Variants in FAAH2 observed in about 807,000 individuals in gnomAD.
FAAH2 encodes the protein fatty-acid amide hydrolase 2.
A neutral mutation model predicts 36.9 loss-of-function variants in FAAH2; 60 were observed. The observed-to-expected ratio is 1.63, with a 90% CI of 1.32 to 2.02. The LOEUF (loss-of-function observed/expected upper bound fraction) is 2.02. Among genes scored for constraint, FAAH2 ranks in the 30% most tolerant of loss-of-function variants. The pLI, the probability that FAAH2 is intolerant of heterozygous loss-of-function variation, is 0.00. For missense variants in FAAH2, 689 were observed against 397.5 expected, an observed-to-expected ratio of 1.73 and a Z score of -6.23; for synonymous variants, 214 against 143.8, an observed-to-expected ratio of 1.49 and a Z score of -3.49.
chrX:57,258,997 G>A, the FAAH2 span, among the ~76,000 whole-genome samples: 2 of 110,649 alleles, frequency 1.8e-5, no homozygotes, highest in Non-Finnish European at 1.9e-5. Flanking sequence ...GGGATTACAG[G>A]CATGAGCCAT....
the FAAH2 span, among the ~76,000 whole-genome samples, chrX:57,198,132 C>T: frequency 9.0e-6 from 1 of 110,733 alleles, no homozygotes; most frequent in Non-Finnish European, 1.9e-5. Context: ...CCATAGAGCT[C>T]CCAAGAGGTT....
At chrX:57,319,753 T>C (rs1269034542) in intron 3 of FAAH2, among the ~76,000 whole-genome samples, 2 of 111,987 alleles carry the variant, frequency 1.8e-5, no homozygotes, top group Non-Finnish European at 3.8e-5. Context: ...AGGCATCATG[T>C]TACCTTACTG....
the FAAH2 span, among the ~76,000 whole-genome samples, chrX:57,181,016 T>G: frequency 2.7e-5 from 3 of 111,701 alleles, no homozygotes; most frequent in Non-Finnish European, 5.7e-5. Context: ...TAAACAGAAC[T>G]AAAGACAAAA....
rs2055259088 is a variant in FAAH2, at chrX:57,394,992, A to C, written c.996+13963A>C. 6 of 569,950 alleles carry C rather than the reference A, an allele frequency of 1.1e-5. No homozygotes were observed. The Admixed American group carries it at 1.3e-4, about 13-fold the overall frequency. The allele number at this position is 569,950 out of a possible 1,213,427, so 47.0% of individuals were successfully genotyped here. A position where few individuals can be genotyped will look rare whatever the true frequency, so the allele number is the denominator to read the frequency against. On this transcript the variant is annotated intron_variant, in intron 7 of 10. Coordinates refer to ENST00000374900, the MANE Select transcript of FAAH2 (RefSeq NM_174912.4). Reference sequence around the variant, plus strand: ...CCTTTAGGCATACAAGGAATGAAACAGTCATTTAGGTCACCTCTAGCAAGT... The same window carrying C: ...CCTTTAGGCATACAAGGAATGAAACCGTCATTTAGGTCACCTCTAGCAAGT...
At chrX:57,446,489 A>C (rs1263265257) in intron 8 of FAAH2, among the ~76,000 whole-genome samples, 1 of 111,860 alleles carries the variant, frequency 8.9e-6, no homozygotes, top group Non-Finnish European at 1.9e-5. Context: ...ATTTTAGTAC[A>C]TTTAGAGTTG....
At chrX:57,353,487 T>A (rs866229901) in intron 5 of FAAH2, among the ~76,000 whole-genome samples, 9 of 83,799 alleles carry the variant, frequency 1.1e-4, no homozygotes, top group Middle Eastern at 6.1e-3. Context: ...CCCAAATTAT[T>A]AAAAAAAAAA....
At chrX:57,265,677 G>A in the FAAH2 span, among the ~76,000 whole-genome samples, 4 of 112,089 alleles carry the variant, frequency 3.6e-5, no homozygotes, top group Non-Finnish European at 7.5e-5. Flanking sequence ...TCTCTGGCCA[G>A]TAGAGATTTT....
intron 5 of FAAH2, among the ~76,000 whole-genome samples, chrX:57,350,625 T>TA (rs1203250989): frequency 9.0e-6 from 1 of 110,953 alleles, no homozygotes; most frequent in Non-Finnish European, 1.9e-5. Context: ...TACTTTATTT[T>TA]AAAAGAACTA....
chrX:57,325,429 T>G (rs779568662), intron 3 of FAAH2, among the ~76,000 whole-genome samples: 3 of 111,758 alleles, frequency 2.7e-5, no homozygotes, highest in African/African-American at 9.8e-5. Flanking sequence ...AGCTCCTTCT[T>G]GTACCTCTGG....
At chrX:57,393,044 A>T in intron 7 of FAAH2, 1 of 892,459 alleles carries the variant, frequency 1.1e-6, no homozygotes, top group African/African-American at 1.9e-5. Flanking sequence ...CTCTCTGGAC[A>T]GCCTGAGCCA....
chrX:57,336,475 G>A (rs776314521), intron 4 of FAAH2, among the ~76,000 whole-genome samples: 1 of 111,068 alleles, frequency 9.0e-6, no homozygotes, highest in South Asian at 3.8e-4. Flanking sequence ...ACAAAATGGA[G>A]TCTCTTATGT....
chrX:57,349,730 A>T (rs1185181277), intron 5 of FAAH2, among the ~76,000 whole-genome samples: 3 of 109,033 alleles, frequency 2.8e-5, no homozygotes, highest in Non-Finnish European at 5.7e-5. Context: ...ACAAAGAATT[A>T]AAAAAAACCA....
At chrX:57,201,053 G>GT in the FAAH2 span, among the ~76,000 whole-genome samples, 36,314 of 96,359 alleles carry the variant, frequency 0.38, 6,948 homozygotes, top group African/African-American at 0.66. Flanking sequence ...TAGGGTAAAA[G>GT]TTTTTTTTTT....
intron 10 of FAAH2, among the ~76,000 whole-genome samples, chrX:57,474,167 AT>A (rs1232440894): frequency 2.1e-4 from 23 of 111,453 alleles, no homozygotes; most frequent in African/African-American, 7.2e-4. Flanking sequence ...TCATTTAAGC[AT>A]TTTTTGTATG....
chrX:57,347,082 G>A (rs1382472627), intron 5 of FAAH2, among the ~76,000 whole-genome samples: 2 of 110,937 alleles, frequency 1.8e-5, no homozygotes, highest in East Asian at 5.7e-4. Flanking sequence ...GGAGTTCTCT[G>A]TATTTCTTTG....
chrX:57,200,783 A>T, the FAAH2 span, among the ~76,000 whole-genome samples: 1 of 111,943 alleles, frequency 8.9e-6, no homozygotes, highest in Non-Finnish European at 1.9e-5. Context: ...TAGTATTTCT[A>T]CTTAAAAGTA....
chrX:57,374,485 G>T (rs1254248220), intron 5 of FAAH2, among the ~76,000 whole-genome samples: 1 of 111,686 alleles, frequency 9.0e-6, no homozygotes, highest in East Asian at 2.8e-4. Flanking sequence ...TGTAAAAGGG[G>T]TTGAGTTCTT....
At chrX:57,161,762 G>A in the FAAH2 span, among the ~76,000 whole-genome samples, 1 of 111,483 alleles carries the variant, frequency 9.0e-6, no homozygotes, top group East Asian at 2.8e-4. Context: ...GTCTCTGCAC[G>A]TGAGATGGGT....
chrX:57,246,214 GAA>G, the FAAH2 span, among the ~76,000 whole-genome samples: 2 of 111,837 alleles, frequency 1.8e-5, no homozygotes, highest in Non-Finnish European at 3.8e-5. Context: ...AACAAGTTCT[GAA>G]ATTGATGCAG....
Sources: allele counts gnomAD v4.1 joint callset (sites outside exome capture counted in the v4.1 genomes callset), GRCh38; gene constraint gnomAD v4.1.1; transcripts MANE v1.5; gene names NCBI Gene and HGNC (gene_info 2026-07-23, HGNC 2026-07-21).